The following FRMD4A variants were observed in gnomAD, a reference collection of about 807,000 sequenced individuals.
FRMD4A encodes the protein FERM domain containing 4A.
FRMD4A carries 29 observed loss-of-function variants against 129.1 expected under a neutral mutation model. The ratio of observed to expected loss-of-function variants is 0.22; its 90% CI spans 0.17 to 0.31. The LOEUF (loss-of-function observed/expected upper bound fraction) is 0.31, where lower values mean the gene tolerates loss of function less well. FRMD4A is among the 10% of genes least tolerant of loss of function. The pLI is 1.00. For synonymous variants in FRMD4A, 634 were observed against 571.6 expected (o/e 1.11, Z -1.56); for missense variants, 1,272 against 1,375.8 (o/e 0.92, Z 1.19).
intron 4 of FRMD4A, among the ~76,000 whole-genome samples, chr10:13,799,128 A>G (rs1346060089): frequency 6.6e-6 from 1 of 152,146 alleles, no homozygotes; most frequent in African/African-American, 2.4e-5. Flanking sequence ...CTTGCTCTCT[A>G]TGCATTCATT....
At chr10:13,967,986 A>T (rs908407810) in intron 2 of FRMD4A, among the ~76,000 whole-genome samples, 5 of 152,218 alleles carry the variant, frequency 3.3e-5, no homozygotes, top group Admixed American at 6.5e-5. Context: ...TCGGGGCTGC[A>T]GTGAGCCATG....
At chr10:14,056,949 T>C (rs1834563420) in intron 2 of FRMD4A, among the ~76,000 whole-genome samples, 1 of 152,222 alleles carries the variant, frequency 6.6e-6, no homozygotes, top group Non-Finnish European at 1.5e-5. Context: ...AGTGAGTCTT[T>C]TGTGGCTCTC....
intron 2 of FRMD4A, among the ~76,000 whole-genome samples, chr10:13,969,278 T>G (rs563224179): frequency 6.6e-6 from 1 of 152,342 alleles, no homozygotes; most frequent in East Asian, 1.9e-4. Flanking sequence ...GGGTTGGACA[T>G]ATCTGCCCCC....
intron 2 of FRMD4A, among the ~76,000 whole-genome samples, chr10:14,177,133 C>G (rs933001775): frequency 6.6e-6 from 1 of 152,032 alleles, no homozygotes; most frequent in Non-Finnish European, 1.5e-5. Context: ...CTGTTTGTGC[C>G]CTTTCTAAAC....
At chr10:14,283,532 G>GA (rs1845588531) in intron 2 of FRMD4A, among the ~76,000 whole-genome samples, 1 of 152,126 alleles carries the variant, frequency 6.6e-6, no homozygotes, top group South Asian at 2.1e-4. Flanking sequence ...AAGAGACTAT[G>GA]AAAAATAAAT....
chr10:13,829,370 A>G (rs1214121839), intron 3 of FRMD4A, among the ~76,000 whole-genome samples: 5 of 152,122 alleles, frequency 3.3e-5, no homozygotes, highest in Non-Finnish European at 7.4e-5. Flanking sequence ...ACAAAAAATA[A>G]AAAAATTAGC....
At chr10:14,311,762 C>T (rs528944445) in intron 2 of FRMD4A, among the ~76,000 whole-genome samples, 30 of 152,208 alleles carry the variant, frequency 2.0e-4, no homozygotes, top group African/African-American at 6.5e-4. Context: ...AGGTTCCTGA[C>T]GACTCCTATG....
intron 2 of FRMD4A, among the ~76,000 whole-genome samples, chr10:14,031,110 G>A (rs1453950452): frequency 2.6e-5 from 4 of 152,194 alleles, no homozygotes; most frequent in Non-Finnish European, 5.9e-5. Context: ...GGCTTGCAGG[G>A]ATTCCGAGGT....
intron 2 of FRMD4A, among the ~76,000 whole-genome samples, chr10:14,004,599 C>T (rs2095654991): frequency 6.6e-6 from 1 of 152,122 alleles, no homozygotes; most frequent in Non-Finnish European, 1.5e-5. Context: ...TACACAAAGA[C>T]AGGCAATCTT....
intron 2 of FRMD4A, among the ~76,000 whole-genome samples, chr10:14,103,633 G>A (rs1455467754): frequency 1.3e-5 from 2 of 152,196 alleles, no homozygotes; most frequent in Non-Finnish European, 2.9e-5. Flanking sequence ...GAAGCTGAAT[G>A]TAAAATGAAC....
chr10:13,666,332 G>T lies in FRMD4A; in HGVS notation c.1375-7C>A. 6.2e-7 allele frequency: 1 copy of T among 1,603,542 alleles called. No homozygotes were observed. The highest frequency in any genetic ancestry group is 8.5e-7 in the Non-Finnish European group (1 of 1,170,566). On this transcript the variant is annotated splice_region_variant and splice_polypyrimidine_tract_variant and intron_variant, in intron 17 of 24. Coordinates refer to ENST00000357447, the MANE Select transcript of FRMD4A (RefSeq NM_018027.5). ...GGCGTTCCAGCTCAGCTTCCTGTGG[G>T]AGGGAAAGCACCGGTTTGGGTTACT... is the stretch of plus-strand genomic sequence containing the variant.
intron 2 of FRMD4A, among the ~76,000 whole-genome samples, chr10:13,896,338 T>C (rs2094758053): frequency 1.3e-5 from 2 of 152,136 alleles, no homozygotes; most frequent in African/African-American, 4.8e-5. Flanking sequence ...ACTATGCAGC[T>C]GTAAAAAAGA....
At chr10:14,301,976 A>T (rs1846200116) in intron 2 of FRMD4A, among the ~76,000 whole-genome samples, 1 of 152,228 alleles carries the variant, frequency 6.6e-6, no homozygotes, top group Non-Finnish European at 1.5e-5. Context: ...AAGCAAAGTC[A>T]TTCCCAGGGA....
intron 6 of FRMD4A, among the ~76,000 whole-genome samples, chr10:13,772,197 T>TAAATATTTATTTATTATTATTATATAATA (rs200786456): frequency 5.0e-4 from 68 of 137,326 alleles, no homozygotes; most frequent in African/African-American, 1.6e-3. Flanking sequence ...TATTATATAA[T>TAAATATTTATTTATTATTATTATATAATA]AATAAATATT....
intron 2 of FRMD4A, among the ~76,000 whole-genome samples, chr10:14,301,781 T>C (rs1589284220): frequency 1.3e-5 from 2 of 152,220 alleles, no homozygotes; most frequent in Non-Finnish European, 2.9e-5. Flanking sequence ...AAAAGATTCA[T>C]GGGCAGTAAA....
intron 2 of FRMD4A, among the ~76,000 whole-genome samples, chr10:14,060,353 T>A (rs767486980): frequency 1.1e-4 from 16 of 152,318 alleles, no homozygotes; most frequent in Non-Finnish European, 1.6e-4. Flanking sequence ...GAACACATCC[T>A]TGTAGGGGAT....
intron 2 of FRMD4A, among the ~76,000 whole-genome samples, chr10:13,968,108 AGTTCAGTGGCTCCG>A (rs1382613895): frequency 1.3e-5 from 2 of 152,166 alleles, no homozygotes; most frequent in Non-Finnish European, 2.9e-5. Context: ...AGGCCCCTTC[AGTTCAGTGGCTCCG>A]GGTGGACTGC....
intron 2 of FRMD4A, among the ~76,000 whole-genome samples, chr10:14,139,369 C>T (rs1029678499): frequency 2.0e-5 from 3 of 150,632 alleles, no homozygotes; most frequent in Non-Finnish European, 2.9e-5. Context: ...GCTAAGCAAC[C>T]TTATGTCCTT....
At position 14,233,175 on chromosome 10, in the gene FRMD4A, GT is replaced by G. The variant is rs376403406; in HGVS notation, c.45+96882del. Among the ~76,000 whole-genome samples, 10 of 152,276 alleles carry G rather than the reference GT, an allele frequency of 6.6e-5. No homozygotes were observed. The East Asian group carries it at 1.5e-3, about 24-fold the overall frequency. On this transcript the variant is annotated intron_variant, in intron 2 of 24. Transcript: ENST00000357447. ...ACACAGTGTAAGCAGTCATTAAATG[GT>G]TACTCTTAATATGATATAATTAGTT...
Sources: gnomAD v4.1 joint callset for allele counts (sites outside exome capture counted in the v4.1 genomes callset) on GRCh38, gnomAD v4.1.1 for gene constraint, MANE v1.5 for transcripts, NCBI Gene and HGNC (gene_info 2026-07-23, HGNC 2026-07-21) for gene names.